The following ZNF420 variants were observed in gnomAD, a reference collection of about 807,000 sequenced individuals.
ZNF420 encodes the protein ATM and p53-associated KZNF protein.
ZNF420 carries 31 observed loss-of-function variants against 44.7 expected under a neutral mutation model. That is an observed-to-expected ratio of 0.69 (90% CI 0.52 to 0.94). ZNF420 has a LOEUF of 0.94. Ranked by LOEUF, ZNF420 falls within the 40% of genes least tolerant of loss-of-function variation. The pLI, the probability that ZNF420 is intolerant of heterozygous loss-of-function variation, is 0.00. For synonymous variants in ZNF420, 245 were observed against 267.4 expected, an observed-to-expected ratio of 0.92 and a Z score of 0.82; for missense variants, 681 against 827.9, an observed-to-expected ratio of 0.82 and a Z score of 2.18.
intron 1 of ZNF420, among the ~76,000 whole-genome samples, chr19:37,028,489 T>C (rs1306020264): frequency 6.6e-6 from 1 of 152,152 alleles, no homozygotes; most frequent in Non-Finnish European, 1.5e-5. Context: ...CAACAGGGAA[T>C]GACTGTCAGA....
At chr19:37,053,763 T>A (rs1486636218) in intron 1 of ZNF420, among the ~76,000 whole-genome samples, 1 of 151,978 alleles carries the variant, frequency 6.6e-6, no homozygotes, top group Non-Finnish European at 1.5e-5. Flanking sequence ...GGTGTCAGTC[T>A]GCCCCTACTG....
chr19:37,011,507 C>T (rs975842633), intron 1 of ZNF420, among the ~76,000 whole-genome samples: 1 of 152,132 alleles, frequency 6.6e-6, no homozygotes, highest in African/African-American at 2.4e-5. Flanking sequence ...TGGGCTGGGG[C>T]TGGGTGCATG....
At chr19:37,074,689 G>A (rs1414924768), upstream of ZNF420, among the ~76,000 whole-genome samples, 4 of 152,188 alleles carry the variant, frequency 2.6e-5, no homozygotes, top group East Asian at 7.7e-4. Flanking sequence ...GGTTATGCAG[G>A]AGAACAACCT....
intron 4 of ZNF420, among the ~76,000 whole-genome samples, chr19:37,098,882 C>T (rs1467530552): frequency 6.6e-6 from 1 of 152,188 alleles, no homozygotes; most frequent in African/African-American, 2.4e-5. Flanking sequence ...CTACTCTCTA[C>T]TTATATGAGA....
At chr19:37,107,799 A>G (rs1970177780) in intron 4 of ZNF420, 1 of 152,534 alleles carries the variant, frequency 6.6e-6, no homozygotes, top group Admixed American at 6.5e-5. Context: ...TTGTGAGACC[A>G]TCAGCAACTC....
Position 37,088,917 on chromosome 19 carries a change from C to T in ZNF420, c.-80-122C>T, listed in dbSNP as rs989643215. 5 of 592,084 alleles carry T rather than the reference C, an allele frequency of 8.4e-6. No homozygotes were observed. In the African/African-American group the frequency reaches 9.3e-5, roughly 11 times the overall value. The allele number at this position is 592,084 out of a possible 1,614,324, so 36.7% of individuals were successfully genotyped here. On this transcript the variant is annotated intron_variant, in intron 2 of 4. Coordinates refer to ENST00000337995, the MANE Select transcript of ZNF420 (RefSeq NM_144689.5). ...AAGAACCACAACATATGTCTGTCCC[C>T]CTTAGTGTGTGTTTTGGGGGTGGGA...
intron 1 of ZNF420, among the ~76,000 whole-genome samples, chr19:37,044,848 A>G (rs888292857): frequency 1.5e-4 from 23 of 152,182 alleles, no homozygotes; most frequent in African/African-American, 5.1e-4. Context: ...TAATGATAAT[A>G]ATAATGTTTT....
intron 4 of ZNF420, among the ~76,000 whole-genome samples, chr19:37,117,479 A>G (rs1331585094): frequency 2.0e-5 from 3 of 152,172 alleles, no homozygotes; most frequent in Non-Finnish European, 4.4e-5. Context: ...GTACGTCACC[A>G]TCATCAAAGA....
At chr19:37,074,341 TTTC>T (rs1413317110), upstream of ZNF420, among the ~76,000 whole-genome samples, 2 of 152,180 alleles carry the variant, frequency 1.3e-5, no homozygotes, top group Admixed American at 1.3e-4. Context: ...CATTCATAGT[TTTC>T]TTGCCAAATA....
chr19:37,037,363 T>G (rs756745739), intron 1 of ZNF420, among the ~76,000 whole-genome samples: 7 of 152,184 alleles, frequency 4.6e-5, no homozygotes, highest in Non-Finnish European at 4.4e-5. Context: ...GATTGCTCAG[T>G]GCAATGGCGC....
At chr19:37,073,724 G>A (rs994232295), upstream of ZNF420, among the ~76,000 whole-genome samples, 12 of 141,760 alleles carry the variant, frequency 8.5e-5, no homozygotes, top group Non-Finnish European at 1.5e-4. Context: ...CAGTCTTGGC[G>A]ACAGAGCGAG....
intron 1 of ZNF420, among the ~76,000 whole-genome samples, chr19:37,069,246 C>T (rs1234287): frequency 0.032 from 4,802 of 152,122 alleles, 200 homozygotes; most frequent in African/African-American, 0.089. Context: ...TTTTATATAC[C>T]GTACTTTCAC....
chr19:37,125,522 C>A (rs1971298622), intron 4 of ZNF420, among the ~76,000 whole-genome samples: 1 of 152,126 alleles, frequency 6.6e-6, no homozygotes, highest in South Asian at 2.1e-4. Flanking sequence ...GGGTTGATTA[C>A]AGAGAAACAG....
At chr19:37,030,937 CTT>C (rs544804238) in intron 1 of ZNF420, among the ~76,000 whole-genome samples, 4 of 152,144 alleles carry the variant, frequency 2.6e-5, no homozygotes, top group Non-Finnish European at 5.9e-5. Flanking sequence ...GAGTTTCACT[CTT>C]TTGAGTGAAG....
chr19:37,115,475 T>C lies in ZNF420; in HGVS notation c.137-11653T>C, dbSNP rs550312315. ...CAGGAAAACATGTGAACAGAGGTCT[T>C]TGTGTCATAAATAAGTTTAAGGAAA... On this transcript the variant is annotated intron_variant, in intron 4 of 4. Coordinates refer to ENST00000337995, the MANE Select transcript of ZNF420 (RefSeq NM_144689.5). Among the ~76,000 whole-genome samples, 6 of 151,622 alleles carry C rather than the reference T, an allele frequency of 4.0e-5. 2 individuals carry two copies. Among genetic ancestry groups the C allele is most frequent in the African/African-American group, 1.5e-4 (6 of 41,308 alleles).
At position 37,127,921 on chromosome 19, in the gene ZNF420, G is replaced by A. The variant is rs369171113; in HGVS notation, c.930G>A (p.Lys310=). 8 of 1,613,942 alleles carry A rather than the reference G, an allele frequency of 5.0e-6. No individual in the cohort carries two copies. Among genetic ancestry groups the A allele is most frequent in the Non-Finnish European group, 5.9e-6 (7 of 1,179,928 alleles). Reference sequence around the variant, plus strand: ...CCGGTGAGAAACCCTATGAATGTAAGGAATGTGGAAAAGCTTTTATTTGTG... The same window carrying A: ...CCGGTGAGAAACCCTATGAATGTAAAGAATGTGGAAAAGCTTTTATTTGTG... ...IHTGEKPYEC[K]ECGKAFICGS... is the part of the protein sequence containing the mutation. Residue 310 remains lysine, a synonymous_variant, in exon 5 of 5, where the codon AAG becomes AAA. Transcript: ENST00000337995.
At chr19:37,090,398 A>G (rs1305490543) in intron 3 of ZNF420, among the ~76,000 whole-genome samples, 1 of 152,064 alleles carries the variant, frequency 6.6e-6, no homozygotes, top group Non-Finnish European at 1.5e-5. Context: ...TGTGGTCTCA[A>G]CTACTCAGGA....
chr19:37,115,378 G>T (rs12463125), intron 4 of ZNF420, among the ~76,000 whole-genome samples: 2,933 of 152,188 alleles, frequency 0.019, 79 homozygotes, highest in East Asian at 0.049. Context: ...CAGTGTTTAT[G>T]GATCATTATC....
At chr19:37,061,071 G>A (rs1222592750) in intron 1 of ZNF420, among the ~76,000 whole-genome samples, 1 of 152,074 alleles carries the variant, frequency 6.6e-6, no homozygotes, top group Admixed American at 6.5e-5. Flanking sequence ...CGTTGGCATC[G>A]ATGGAAAGGT....
Sources: gnomAD v4.1 joint callset for allele counts (sites outside exome capture counted in the v4.1 genomes callset) on GRCh38, gnomAD v4.1.1 for gene constraint, MANE v1.5 for transcripts, NCBI Gene and HGNC (gene_info 2026-07-23, HGNC 2026-07-21) for gene names.